The following RB1 variants were observed in gnomAD, a reference collection of about 807,000 sequenced individuals.
RB1 encodes RB transcriptional corepressor 1.
Under a neutral mutation model 135.4 loss-of-function variants are expected in RB1, and 18 were observed. The ratio of observed to expected loss-of-function variants is 0.13; its 90% CI spans 0.09 to 0.20. RB1 has a LOEUF of 0.20. Among genes scored for constraint, RB1 ranks in the 10% least tolerant of loss-of-function variants. RB1 has a pLI of 1.00. For synonymous variants in RB1, 365 were observed against 373.2 expected, an observed-to-expected ratio of 0.98 and a Z score of 0.25; for missense variants, 868 against 1,110.0, an observed-to-expected ratio of 0.78 and a Z score of 3.10.
At position 48,319,157 on chromosome 13, in the gene RB1, G is replaced by T; in HGVS notation, c.264+11751G>T. The T allele has an allele frequency of 1.6e-6, 1 of 606,086 alleles. No homozygotes were observed. The highest frequency in any genetic ancestry group is 3.0e-6 in the Non-Finnish European group (1 of 337,520). 37.5% of individuals were successfully genotyped at this position (606,086 alleles called of 1,614,324 possible). A position where few individuals can be genotyped will look rare whatever the true frequency, so the allele number is the denominator to read the frequency against. On this transcript the variant is annotated intron_variant, in intron 2 of 26. Transcript: ENST00000267163. This position sits in a 1 kb window ranked among gnomAD's most constrained non-coding sequence, Gnocchi z 5.0. Reference sequence around the variant, plus strand: ...TTCCTTCGGGAGCTTGTGGGGAATGGTCAGCGTCTAGGCACCCCGGGCAAG... The same window carrying T: ...TTCCTTCGGGAGCTTGTGGGGAATGTTCAGCGTCTAGGCACCCCGGGCAAG...
chr13:48,333,485 A>G (rs144857758), intron 2 of RB1, among the ~76,000 whole-genome samples: 16 of 152,286 alleles, frequency 1.1e-4, no homozygotes, highest in Non-Finnish European at 1.9e-4. Context: ...TTTGAGCTCA[A>G]TAATCTAAGC....
chr13:48,303,797 T>G lies in RB1; in HGVS notation c.-116T>G. On this transcript the variant is annotated 5_prime_UTR_variant, in exon 1 of 27. Coordinates refer to ENST00000267163, the MANE Select transcript of RB1 (RefSeq NM_000321.3). ...GCGTCCGGTTTTTCTCAGGGGACGT[T>G]GAAATTATTTTTGTAACGGGAGTCG... 1.4e-6 allele frequency: 2 copies of G among 1,411,676 alleles called. No individual in the cohort carries two copies. The highest frequency in any genetic ancestry group is 1.9e-6 in the Non-Finnish European group (2 of 1,070,614). 87.4% of individuals were successfully genotyped at this position (1,411,676 alleles called of 1,614,324 possible). A position where few individuals can be genotyped will look rare whatever the true frequency, so the allele number is the denominator to read the frequency against.
intron 17 of RB1, among the ~76,000 whole-genome samples, chr13:48,450,060 G>A (rs1949316540): frequency 6.6e-6 from 1 of 150,566 alleles, no homozygotes; most frequent in African/African-American, 2.4e-5. Context: ...CTCCCATTCT[G>A]TAGGTTGTCT....
intron 23 of RB1, among the ~76,000 whole-genome samples, chr13:48,465,616 C>T (rs944396520): frequency 5.3e-5 from 8 of 151,908 alleles, no homozygotes; most frequent in African/African-American, 1.9e-4. Context: ...ACGCAGAAGA[C>T]GGGTGATTTC....
chr13:48,464,182 A>C (rs996574675), intron 21 of RB1, among the ~76,000 whole-genome samples: 11 of 152,186 alleles, frequency 7.2e-5, no homozygotes, highest in African/African-American at 2.7e-4. Context: ...GCCAGTATAA[A>C]TGCAGCCTTG....
chr13:48,371,560 A>T (rs1044792865), intron 11 of RB1, among the ~76,000 whole-genome samples: 2 of 152,124 alleles, frequency 1.3e-5, no homozygotes, highest in African/African-American at 4.8e-5. Flanking sequence ...TAAATATTTG[A>T]TGAATTCATA....
intron 2 of RB1, among the ~76,000 whole-genome samples, chr13:48,310,461 C>T (rs1207486229): frequency 6.6e-6 from 1 of 152,148 alleles, no homozygotes; most frequent in African/African-American, 2.4e-5. Context: ...CTACAATTTT[C>T]AAGCCTTAGT....
chr13:48,322,947 G>C (rs1012672137), intron 2 of RB1, among the ~76,000 whole-genome samples: 1 of 151,752 alleles, frequency 6.6e-6, no homozygotes, highest in Non-Finnish European at 1.5e-5. Flanking sequence ...TTCTATACGT[G>C]TATTTATAAG....
Position 48,473,266 on chromosome 13 carries a change from T to A in RB1, c.2490-94T>A, listed in dbSNP as rs4151608. The A allele has an allele frequency of 6.2e-4, 610 of 979,874 alleles. 3 individuals carry two copies. The African/African-American group carries it at 8.8e-3, about 14-fold the overall frequency. The allele number at this position is 979,874 out of a possible 1,614,324, so 60.7% of individuals were successfully genotyped here. A position where few individuals can be genotyped will look rare whatever the true frequency, so the allele number is the denominator to read the frequency against. ...GGTAGAGGTAACCTTTAATTTGGTA[T>A]TCCTAATAGTTCAGAATGATGTATT... On this transcript the variant is annotated intron_variant, in intron 23 of 26. Transcript: ENST00000267163.
chr13:48,351,524 T>C (rs1952547623), intron 6 of RB1, among the ~76,000 whole-genome samples: 1 of 152,170 alleles, frequency 6.6e-6, no homozygotes, highest in Admixed American at 6.5e-5. Context: ...TTTTTCCCCA[T>C]TCTGTAGGTT....
chr13:48,410,399 G>T (rs1381281654), intron 17 of RB1, among the ~76,000 whole-genome samples: 1 of 152,134 alleles, frequency 6.6e-6, no homozygotes, highest in Non-Finnish European at 1.5e-5. Flanking sequence ...GTGTGTAATA[G>T]TGTATACCTT....
At chr13:48,479,846 C>T in intron 26 of RB1, 152 bp from the exon 27 acceptor site, 2 of 670,540 alleles carry the variant, frequency 3.0e-6, no homozygotes, top group Non-Finnish European at 5.5e-6. Context: ...ACTGTAACTC[C>T]CTACGGTACT....
intron 13 of RB1, among the ~76,000 whole-genome samples, chr13:48,377,419 T>C (rs184684496): frequency 7.3e-4 from 111 of 152,308 alleles, no homozygotes; most frequent in Non-Finnish European, 7.3e-4. Flanking sequence ...TTGAGTGATA[T>C]TATTTCAGGA....
chr13:48,373,760 AT>A (rs1437140600), intron 12 of RB1, among the ~76,000 whole-genome samples: 5 of 151,876 alleles, frequency 3.3e-5, no homozygotes, highest in South Asian at 2.1e-4. Flanking sequence ...TTCTGAGATA[AT>A]TTTTTTCTTC....
At chr13:48,309,216 ACT>A (rs200770463) in intron 2 of RB1, among the ~76,000 whole-genome samples, 2,356 of 152,202 alleles carry the variant, frequency 0.015, 43 homozygotes, top group African/African-American at 0.036. Flanking sequence ...CATTTTTATG[ACT>A]CTTGATGATT....
intron 23 of RB1, among the ~76,000 whole-genome samples, chr13:48,471,568 AT>A (rs1018254884): frequency 1.1e-4 from 4 of 36,290 alleles, no homozygotes; most frequent in African/African-American, 1.9e-4. Context: ...AATAAAAAAT[AT>A]AAATAAAAAA....
intron 2 of RB1, among the ~76,000 whole-genome samples, chr13:48,315,700 A>G (rs569695076): frequency 2.0e-5 from 3 of 152,310 alleles, no homozygotes; most frequent in Middle Eastern, 3.4e-3. Flanking sequence ...TGTTCCTTCA[A>G]TGCCTAGTTT....
chr13:48,449,363 T>C (rs1348267985), intron 17 of RB1, among the ~76,000 whole-genome samples: 1 of 152,206 alleles, frequency 6.6e-6, no homozygotes, highest in Non-Finnish European at 1.5e-5. Context: ...ATCTTTAGGT[T>C]TTTTATCCTG....
chr13:48,366,111 A>G (rs1209410477), intron 9 of RB1, among the ~76,000 whole-genome samples: 2 of 152,208 alleles, frequency 1.3e-5, no homozygotes, highest in Non-Finnish European at 2.9e-5. Context: ...GATACAGGGC[A>G]GAACAATTAA....
Sources: allele counts gnomAD v4.1 joint callset (sites outside exome capture counted in the v4.1 genomes callset), GRCh38; gene constraint gnomAD v4.1.1; non-coding constraint Gnocchi (gnomAD v3.1); transcripts MANE v1.5; gene names NCBI Gene and HGNC (gene_info 2026-07-23, HGNC 2026-07-21).